Variants in SLC20A2 observed in about 807,000 individuals in gnomAD.
The protein encoded by SLC20A2 is solute carrier family 20 member 2, also known as sodium-dependent phosphate transporter 2.
A neutral mutation model predicts 61.0 loss-of-function variants in SLC20A2; 30 were observed. The observed-to-expected ratio is 0.49, with a 90% CI of 0.37 to 0.67. SLC20A2 has a LOEUF of 0.67. Among genes scored for constraint, SLC20A2 ranks in the 30% least tolerant of loss-of-function variants. SLC20A2 has a pLI of 0.00. For missense variants in SLC20A2, 626 were observed against 866.4 expected, an observed-to-expected ratio of 0.72 and a Z score of 3.48; for synonymous variants, 351 against 353.3, an observed-to-expected ratio of 0.99 and a Z score of 0.07.
In SLC20A2 at chr8:42,472,127, C is replaced by T; in HGVS notation, c.264G>A (p.Met88Ile). ...NLYNETVETL[M>I]AGEVSAMVGS... is the part of the protein sequence containing the mutation. ...CAACCATGGCACTAACTTCCCCAGC[C>T]ATGAGAGTCTCCACCGTCTCGTTGT... is the stretch of plus-strand genomic sequence containing the variant. The change falls in exon 2 of 11, where the codon ATG (methionine) becomes ATA (isoleucine). Residue 88 changes from methionine to isoleucine, a missense_variant. Coordinates refer to ENST00000520262, the MANE Select transcript of SLC20A2 (RefSeq NM_001257180.2). The surrounding 1 kb of genome is among the most constrained non-coding windows in gnomAD (Gnocchi z 4.1). 1 of 1,613,408 alleles carries T rather than the reference C, an allele frequency of 6.2e-7. No homozygotes were observed. The highest frequency in any genetic ancestry group is 8.5e-7 in the Non-Finnish European group (1 of 1,180,022).
chr8:42,419,893 T>C (rs895207659), intron 10 of SLC20A2, among the ~76,000 whole-genome samples: 2 of 152,186 alleles, frequency 1.3e-5, no homozygotes, highest in South Asian at 2.1e-4. Context: ...AGCTTTCACA[T>C]ATACAAATTG....
intron 10 of SLC20A2, 117 bp from the exon 11 acceptor site, chr8:42,418,084 A>G: frequency 4.0e-6 from 3 of 746,780 alleles, no homozygotes; most frequent in East Asian, 2.7e-5. Context: ...AGTCCCCTAC[A>G]TTTGTTAAAG....
rs539513800 is a variant in SLC20A2, at chr8:42,540,039, C to A, written c.-265+1782G>T. On this transcript the variant is annotated intron_variant, in intron 1 of 10. Transcript: ENST00000342228. ...CGGCGCGGTGGCTCACGCCTGTAATCCCAGCACTTTGGGAGGCCGAGGCGG... is the reference window on the plus strand; with the variant it reads ...CGGCGCGGTGGCTCACGCCTGTAATACCAGCACTTTGGGAGGCCGAGGCGG... Among the ~76,000 whole-genome samples the A allele has an allele frequency of 3.5e-4, 54 of 152,348 alleles. 3 individuals carry two copies. The South Asian group carries it at 0.011, about 31-fold the overall frequency.
intron 1 of SLC20A2, among the ~76,000 whole-genome samples, chr8:42,518,027 G>A (rs1244320342): frequency 1.3e-5 from 2 of 152,162 alleles, no homozygotes; most frequent in Admixed American, 6.5e-5. Context: ...TGCAACCTCC[G>A]CCTCCCAGGT....
intron 5 of SLC20A2, among the ~76,000 whole-genome samples, chr8:42,447,572 G>A (rs920314928): frequency 6.6e-6 from 1 of 151,972 alleles, no homozygotes; most frequent in Non-Finnish European, 1.5e-5. Flanking sequence ...CAGCTACTCC[G>A]GAGGCTGAGG....
chr8:42,533,587 C>T (rs13279187), intron 1 of SLC20A2, among the ~76,000 whole-genome samples: 6 of 149,900 alleles, frequency 4.0e-5, no homozygotes, highest in Non-Finnish European at 7.4e-5. Context: ...GAGATTGCGT[C>T]GTCATCACAC....
chr8:42,436,069 T>C (rs980726893), intron 8 of SLC20A2, among the ~76,000 whole-genome samples: 1 of 151,914 alleles, frequency 6.6e-6, no homozygotes, highest in Non-Finnish European at 1.5e-5. Flanking sequence ...TGAGCTGAGA[T>C]TGCGCCACTG....
chr8:42,423,687 C>A (rs16891294), intron 10 of SLC20A2, among the ~76,000 whole-genome samples: 1 of 152,114 alleles, frequency 6.6e-6, no homozygotes, highest in Non-Finnish European at 1.5e-5. Context: ...ATTTATCATA[C>A]GCTAAGACAG....
At chr8:42,433,095 C>T (rs1803986242) in intron 8 of SLC20A2, among the ~76,000 whole-genome samples, 1 of 152,070 alleles carries the variant, frequency 6.6e-6, no homozygotes. Flanking sequence ...AAAAGCATAA[C>T]ATAAAATTTA....
intron 2 of SLC20A2, among the ~76,000 whole-genome samples, chr8:42,470,420 T>C (rs923189607): frequency 6.6e-5 from 10 of 151,986 alleles, no homozygotes; most frequent in Admixed American, 1.3e-4. Flanking sequence ...GGTCTCCCTA[T>C]GTTGCCCAGA....
chr8:42,465,129 C>T (rs1472517089), intron 3 of SLC20A2, among the ~76,000 whole-genome samples: 1 of 151,962 alleles, frequency 6.6e-6, no homozygotes, highest in Non-Finnish European at 1.5e-5. Context: ...TCGATCCCGG[C>T]TCACTGCAAA....
intron 1 of SLC20A2, among the ~76,000 whole-genome samples, chr8:42,530,340 A>C (rs1336795459): frequency 6.6e-6 from 1 of 152,240 alleles, no homozygotes; most frequent in Non-Finnish European, 1.5e-5. Flanking sequence ...CCAAGTCTCC[A>C]AAACAGATAT....
At position 42,439,535 on chromosome 8, in the gene SLC20A2, G is replaced by A. The variant is rs114218633; in HGVS notation, c.849C>T (p.Ser283=). The A allele has an allele frequency of 2.0e-4, 319 of 1,614,224 alleles. 2 individuals are homozygous for A. The East Asian group carries it at 6.0e-3, about 30-fold the overall frequency. Residue 283 remains serine, a synonymous_variant, in exon 7 of 11, where the codon AGC becomes AGT. Transcript: ENST00000520262. ...CTGCTGCTCCCGTGAGCGGGATGGT[G>A]CTGTCATCATTAGCCTTGGCACCTG... ...ELPGAKANDD[S]TIPLTGAAGE... is the part of the protein sequence containing the mutation.
chr8:42,447,535 A>G (rs867488911), intron 5 of SLC20A2, among the ~76,000 whole-genome samples: 39 of 151,600 alleles, frequency 2.6e-4, no homozygotes, highest in East Asian at 3.9e-4. Flanking sequence ...AAAATTAGCC[A>G]GGCGTGGTGG....
rs778981433 is a variant in SLC20A2, at chr8:42,419,008, CAA to C, written c.1795-1043_1795-1042del. Among the ~76,000 whole-genome samples the C allele has an allele frequency of 8.1e-3, 521 of 64,148 alleles. 2 individuals are homozygous for C. Among genetic ancestry groups the C allele is most frequent in the African/African-American group, 0.03 (455 of 15,234 alleles). 42.1% of individuals were successfully genotyped at this position (64,148 alleles called of 152,430 possible). Reference sequence around the variant, plus strand: ...TGGGCGACAGAGAGAGACTCTGTCTCAAAAAAAAAAAAAAAAAAAAAAATTCC... The same window carrying C: ...TGGGCGACAGAGAGAGACTCTGTCTCAAAAAAAAAAAAAAAAAAAAATTCC... On this transcript the variant is annotated intron_variant, in intron 10 of 10. Coordinates refer to ENST00000520262, the MANE Select transcript of SLC20A2 (RefSeq NM_001257180.2).
chr8:42,471,954 A>G (rs1353235335), intron 2 of SLC20A2, 148 bp downstream of exon 2: 3 of 679,032 alleles, frequency 4.4e-6, no homozygotes, highest in Non-Finnish European at 7.6e-6. Flanking sequence ...TAATATGCAG[A>G]AAGCAAAAAT....
Position 42,445,197 on chromosome 8 carries a change from C to T in SLC20A2, c.614-435G>A, listed in dbSNP as rs181199401. Among the ~76,000 whole-genome samples, 359 of 152,130 alleles carry T rather than the reference C, an allele frequency of 2.4e-3. 1 individual carries two copies. Among genetic ancestry groups the T allele is most frequent in the African/African-American group, 6.9e-3 (285 of 41,490 alleles). On this transcript the variant is annotated intron_variant, in intron 5 of 10. Transcript: ENST00000520262. ...ATCCCAGCTACTCGGGAGGCTGAGG[C>T]GGGAGATTCGTTCGAACCTGGGAGG...
chr8:42,441,811 GTTTT>G (rs1804807167), intron 6 of SLC20A2, among the ~76,000 whole-genome samples: 1 of 151,784 alleles, frequency 6.6e-6, no homozygotes. Flanking sequence ...TCTAAAATGT[GTTTT>G]TATTTTTTGA....
chr8:42,421,188 T>A lies in SLC20A2; in HGVS notation c.1795-3221A>T, dbSNP rs183814017. Among the ~76,000 whole-genome samples the A allele has an allele frequency of 3.1e-4, 47 of 152,266 alleles. 1 individual carries two copies. Among genetic ancestry groups the A allele is most frequent in the Middle Eastern group, 6.8e-3 (2 of 294 alleles). ...ATATATATCACTCACATTTCTTTTTTAAAAAATTATTTATTTAGTTGTTTA... is the reference window on the plus strand; with the variant it reads ...ATATATATCACTCACATTTCTTTTTAAAAAAATTATTTATTTAGTTGTTTA... On this transcript the variant is annotated intron_variant, in intron 10 of 10. Coordinates refer to ENST00000520262, the MANE Select transcript of SLC20A2 (RefSeq NM_001257180.2).
Sources: allele counts gnomAD v4.1 joint callset (sites outside exome capture counted in the v4.1 genomes callset), GRCh38; gene constraint gnomAD v4.1.1; non-coding constraint Gnocchi (gnomAD v3.1); transcripts MANE v1.5; gene names NCBI Gene and HGNC (gene_info 2026-07-23, HGNC 2026-07-21).